Variants in PPARGC1A observed in about 807,000 individuals in gnomAD.
PPARGC1A encodes the protein peroxisome proliferator-activated receptor gamma coactivator 1-alpha.
A neutral mutation model predicts 88.7 loss-of-function variants in PPARGC1A; 25 were observed. The observed-to-expected ratio is 0.28, with a 90% CI of 0.21 to 0.39. PPARGC1A has a LOEUF of 0.39. Ranked by LOEUF, PPARGC1A falls within the 10% of genes least tolerant of loss-of-function variation. PPARGC1A has a pLI of 1.00. For synonymous variants in PPARGC1A, 363 were observed against 355.6 expected, an observed-to-expected ratio of 1.02 and a Z score of -0.24; for missense variants, 880 against 968.7, an observed-to-expected ratio of 0.91 and a Z score of 1.22.
At chr4:24,042,785 A>C in the PPARGC1A span, among the ~76,000 whole-genome samples, 1 of 152,208 alleles carries the variant, frequency 6.6e-6, no homozygotes, top group South Asian at 2.1e-4. Context: ...TGGGTATATA[A>C]ATTATTCTCT....
the PPARGC1A span, among the ~76,000 whole-genome samples, chr4:23,972,779 G>A: frequency 3.3e-5 from 5 of 152,252 alleles, no homozygotes; most frequent in South Asian, 1.0e-3. Flanking sequence ...ATTTTCATCT[G>A]TCAGAATCTG....
chr4:24,246,867 C>A, the PPARGC1A span, among the ~76,000 whole-genome samples: 1 of 152,214 alleles, frequency 6.6e-6, no homozygotes, highest in East Asian at 1.9e-4. Flanking sequence ...GTGTGAGCCA[C>A]AGAATCCAGC....
the PPARGC1A span, among the ~76,000 whole-genome samples, chr4:24,454,704 C>T: frequency 4.6e-5 from 7 of 151,448 alleles, no homozygotes; most frequent in Non-Finnish European, 1.0e-4. Context: ...CACCACTGCA[C>T]TCCTAGCTGG....
At chr4:24,402,095 A>T in the PPARGC1A span, among the ~76,000 whole-genome samples, 1 of 152,222 alleles carries the variant, frequency 6.6e-6, no homozygotes. Context: ...GCTGCTGAAT[A>T]GAACTCTATT....
Position 23,884,895 on chromosome 4 carries a change from G to C in PPARGC1A, c.91C>G (p.Pro31Ala). 6.2e-7 allele frequency: 1 copy of C among 1,613,538 alleles called. No homozygotes were observed. The highest frequency in any genetic ancestry group is 8.5e-7 in the Non-Finnish European group (1 of 1,179,734). Residue 31 changes from proline to alanine, a missense_variant, in exon 2 of 13, where the codon CCA (proline) becomes GCA (alanine). By Grantham distance (27) the Pro-to-Ala change is conservative. Transcript: ENST00000264867. ...GAAAGATCAAGTTCAGGAAGATCTG[G>C]GCAAAGAGGCTGGTCTTCACCAACC... ...ALVGEDQPLC[P>A]DLPELDLSEL...
chr4:23,993,087 CAA>C, the PPARGC1A span, among the ~76,000 whole-genome samples: 10 of 151,830 alleles, frequency 6.6e-5, no homozygotes, highest in Non-Finnish European at 1.0e-4. Context: ...CTAAAACAAA[CAA>C]AGTAAAGCAA....
chr4:24,056,438 G>A, the PPARGC1A span, among the ~76,000 whole-genome samples: 3 of 152,160 alleles, frequency 2.0e-5, no homozygotes, highest in Non-Finnish European at 4.4e-5. Context: ...AAGGAAGAAT[G>A]TCTTCTTTGT....
the PPARGC1A span, among the ~76,000 whole-genome samples, chr4:24,363,826 A>G: frequency 6.6e-6 from 1 of 152,194 alleles, no homozygotes. Context: ...TTCTCTTATA[A>G]GGAGCAGAAT....
At chr4:23,921,749 T>G in the PPARGC1A span, among the ~76,000 whole-genome samples, 1 of 152,002 alleles carries the variant, frequency 6.6e-6, no homozygotes, top group Admixed American at 6.6e-5. Context: ...TAGTTGGGAG[T>G]TGGAAATTAT....
the PPARGC1A span, among the ~76,000 whole-genome samples, chr4:23,913,267 TAGAGAGAGAGAGAG>T: frequency 1.1e-3 from 82 of 77,490 alleles, no homozygotes; most frequent in South Asian, 8.5e-3. Flanking sequence ...TATATATATA[TAGAGAGAGAGAGAG>T]AGAGAGAGAG....
the PPARGC1A span, among the ~76,000 whole-genome samples, chr4:24,448,869 A>G: frequency 6.6e-6 from 1 of 152,374 alleles, no homozygotes; most frequent in African/African-American, 2.4e-5. Context: ...AGCACATGCA[A>G]CATGAATCAT....
the PPARGC1A span, among the ~76,000 whole-genome samples, chr4:23,914,994 C>T: frequency 5.3e-5 from 8 of 152,194 alleles, no homozygotes; most frequent in South Asian, 1.7e-3. Flanking sequence ...CTGGAGAAAC[C>T]TACCACATCC....
At chr4:24,249,724 C>T in the PPARGC1A span, among the ~76,000 whole-genome samples, 3 of 152,104 alleles carry the variant, frequency 2.0e-5, no homozygotes, top group Admixed American at 6.5e-5. Flanking sequence ...TGAGTCTGAA[C>T]GTGGGGATAT....
the PPARGC1A span, among the ~76,000 whole-genome samples, chr4:24,093,071 T>C: frequency 2.0e-5 from 3 of 152,342 alleles, no homozygotes; most frequent in South Asian, 6.2e-4. Flanking sequence ...CTGAGTGCTT[T>C]ACTAACCTTG....
chr4:24,335,323 G>T, the PPARGC1A span, among the ~76,000 whole-genome samples: 1 of 152,182 alleles, frequency 6.6e-6, no homozygotes, highest in Non-Finnish European at 1.5e-5. Flanking sequence ...GAAGTTAGGC[G>T]ATGTTTATCA....
chr4:24,245,026 G>GA, the PPARGC1A span, among the ~76,000 whole-genome samples: 12 of 151,524 alleles, frequency 7.9e-5, no homozygotes, highest in African/African-American at 2.2e-4. Context: ...AGAAGAAAAA[G>GA]AAAAAAAAGA....
the PPARGC1A span, among the ~76,000 whole-genome samples, chr4:24,262,200 A>G: frequency 0.29 from 43,746 of 152,004 alleles, 7,042 homozygotes; most frequent in East Asian, 0.46. Flanking sequence ...TGGTAATCCA[A>G]TCAGGGCTGG....
the PPARGC1A span, among the ~76,000 whole-genome samples, chr4:24,128,531 A>AGTGTGTGTGTGT: frequency 1.6e-3 from 218 of 138,268 alleles, no homozygotes; most frequent in South Asian, 7.5e-3. Context: ...AGCCTGTCAC[A>AGTGTGTGTGTGT]GTGTGTGTGT....
chr4:24,210,410 G>A, the PPARGC1A span, among the ~76,000 whole-genome samples: 5 of 152,134 alleles, frequency 3.3e-5, no homozygotes, highest in Non-Finnish European at 7.3e-5. Flanking sequence ...TAAAATAAAC[G>A]CATGTGGCTT....
Sources: gnomAD v4.1 joint callset for allele counts (sites outside exome capture counted in the v4.1 genomes callset) on GRCh38, gnomAD v4.1.1 for gene constraint, MANE v1.5 for transcripts, NCBI Gene and HGNC (gene_info 2026-07-23, HGNC 2026-07-21) for gene names.